Variants in UBXN2A observed in about 807,000 individuals in gnomAD.
The protein encoded by UBXN2A is UBX domain-containing protein 2A.
A neutral mutation model predicts 28.4 loss-of-function variants in UBXN2A; 28 were observed. That is an observed-to-expected ratio of 0.99 (90% confidence interval 0.73 to 1.35). The LOEUF is 1.35. UBXN2A is among the 40% of genes most tolerant of loss of function. UBXN2A has a pLI of 0.00. For synonymous variants in UBXN2A, 97 were observed against 103.6 expected (o/e 0.94, Z 0.39); for missense variants, 253 against 297.9 (o/e 0.85, Z 1.11).
chr2:23,989,316 T>G (rs1009047783), intron 6 of UBXN2A, among the ~76,000 whole-genome samples: 8 of 151,312 alleles, frequency 5.3e-5, no homozygotes, highest in Non-Finnish European at 1.0e-4. Context: ...CTTTTTTTTT[T>G]TTTTTGAGAC....
rs1251629375 is a variant in UBXN2A, at chr2:24,001,528, A to AGT, written c.*1663_*1664dup. On this transcript the variant is annotated 3_prime_UTR_variant, in exon 7 of 7. Coordinates refer to ENST00000309033, the MANE Select transcript of UBXN2A (RefSeq NM_181713.4). ...ATGCATTGAGTGTGCCAAGGAACTA[A>AGT]GTGGTCCATAGCAGCAGTAATGTTC... 1 of 152,146 alleles carries AGT rather than the reference A, an allele frequency of 6.6e-6. No individual in the cohort carries two copies. The highest frequency in any genetic ancestry group is 1.5e-5 in the Non-Finnish European group (1 of 68,020). 9.4% of individuals were successfully genotyped at this position (152,146 alleles called of 1,614,324 possible).
chr2:23,932,859 C>G (rs1705412226), intron 1 of UBXN2A, among the ~76,000 whole-genome samples: 1 of 152,106 alleles, frequency 6.6e-6, no homozygotes, highest in African/African-American at 2.4e-5. Flanking sequence ...TAATCCCAGA[C>G]TTGGGGAGGC....
intron 6 of UBXN2A, among the ~76,000 whole-genome samples, chr2:23,992,749 T>C (rs1246246033): frequency 6.6e-6 from 1 of 152,234 alleles, no homozygotes; most frequent in Non-Finnish European, 1.5e-5. Context: ...GTGTTAAATC[T>C]ACTCTGCCTG....
chr2:23,954,732 A>T (rs1313008354), intron 1 of UBXN2A, among the ~76,000 whole-genome samples: 1 of 149,190 alleles, frequency 6.7e-6, no homozygotes, highest in Non-Finnish European at 1.5e-5. Context: ...TATTCACACA[A>T]GTCCTTTGCC....
chr2:23,931,971 A>G (rs1173527122), intron 1 of UBXN2A, among the ~76,000 whole-genome samples: 1 of 151,682 alleles, frequency 6.6e-6, no homozygotes, highest in Non-Finnish European at 1.5e-5. Context: ...AGATCACGCC[A>G]TTGCACTCCA....
intron 3 of UBXN2A, among the ~76,000 whole-genome samples, chr2:23,973,026 A>C (rs1707482600): frequency 6.6e-6 from 1 of 152,146 alleles, no homozygotes; most frequent in African/African-American, 2.4e-5. Context: ...AATGGTTTAC[A>C]TACAGACTAT....
intron 6 of UBXN2A, among the ~76,000 whole-genome samples, chr2:23,998,237 A>T (rs967320863): frequency 6.6e-6 from 1 of 151,920 alleles, no homozygotes; most frequent in Non-Finnish European, 1.5e-5. Context: ...TTTTTAATTT[A>T]TTTTTCACTC....
chr2:23,983,220 G>A (rs1707986827), intron 5 of UBXN2A, among the ~76,000 whole-genome samples, 187 bp downstream of exon 5: 1 of 152,060 alleles, frequency 6.6e-6, no homozygotes, highest in Admixed American at 6.6e-5. Flanking sequence ...TATTAACAAT[G>A]CCTGGCCAGG....
intron 1 of UBXN2A, among the ~76,000 whole-genome samples, chr2:23,944,682 G>A (rs1471426589): frequency 2.0e-5 from 3 of 152,266 alleles, no homozygotes; most frequent in African/African-American, 7.2e-5. Context: ...TCCTTCCTGG[G>A]ATATTGGAAA....
chr2:23,983,139 C>G (rs1350489753), intron 5 of UBXN2A, 106 bp downstream of exon 5: 1 of 1,248,964 alleles, frequency 8.0e-7, no homozygotes, highest in East Asian at 2.8e-5. Flanking sequence ...TATCATTTCT[C>G]CCATTGGAAA....
intron 3 of UBXN2A, among the ~76,000 whole-genome samples, chr2:23,975,836 G>A (rs541486391): frequency 2.0e-5 from 3 of 152,200 alleles, no homozygotes; most frequent in African/African-American, 7.2e-5. Context: ...ATGTTGGTCA[G>A]GCTGGTCTTG....
chr2:23,954,789 G>C (rs1037513041), intron 1 of UBXN2A, among the ~76,000 whole-genome samples: 1 of 137,792 alleles, frequency 7.3e-6, no homozygotes, highest in African/African-American at 2.7e-5. Flanking sequence ...ACAGATTCTT[G>C]CTCTGTTGCC....
At chr2:23,987,671 G>A (rs1478726682) in intron 6 of UBXN2A, among the ~76,000 whole-genome samples, 4 of 151,284 alleles carry the variant, frequency 2.6e-5, no homozygotes, top group Non-Finnish European at 5.9e-5. Flanking sequence ...CCAGCTACTC[G>A]GGAGGCTGAG....
At chr2:23,999,589 A>G in intron 6 of UBXN2A, 83 bp from the exon 7 acceptor site, 3 of 1,403,096 alleles carry the variant, frequency 2.1e-6, no homozygotes, top group Non-Finnish European at 2.9e-6. Context: ...ACATATCCAG[A>G]TACTTTTACC....
intron 1 of UBXN2A, among the ~76,000 whole-genome samples, chr2:23,957,243 C>T (rs1706670722): frequency 6.6e-6 from 1 of 151,980 alleles, no homozygotes; most frequent in South Asian, 2.1e-4. Flanking sequence ...AAGTTATCCT[C>T]CCACCTCAGC....
At chr2:23,940,110 C>CAAAAAAA (rs70941601), upstream of UBXN2A, among the ~76,000 whole-genome samples, 4 of 104,038 alleles carry the variant, frequency 3.8e-5, no homozygotes, top group African/African-American at 7.2e-5. Context: ...GATTTAGTCT[C>CAAAAAAA]AAAAAAAAAA....
At chr2:23,929,410 A>T (rs573425247) in intron 1 of UBXN2A, among the ~76,000 whole-genome samples, 1 of 149,670 alleles carries the variant, frequency 6.7e-6, no homozygotes, top group Admixed American at 6.7e-5. Flanking sequence ...TCAAAAAAAT[A>T]TTTAAAAAAA....
intron 1 of UBXN2A, among the ~76,000 whole-genome samples, chr2:23,948,200 A>C (rs927292621): frequency 6.6e-6 from 1 of 151,278 alleles, no homozygotes; most frequent in African/African-American, 2.4e-5. Context: ...TTTCATAATC[A>C]TGTCAAAATT....
chr2:23,957,795 T>C (rs947801881), intron 1 of UBXN2A, among the ~76,000 whole-genome samples: 11 of 152,084 alleles, frequency 7.2e-5, no homozygotes, highest in Admixed American at 4.6e-4. Flanking sequence ...GATTGTGCCA[T>C]TGCACTCCAG....
Sources: gnomAD v4.1 joint callset for allele counts (sites outside exome capture counted in the v4.1 genomes callset) on GRCh38, gnomAD v4.1.1 for gene constraint, MANE v1.5 for transcripts, NCBI Gene and HGNC (gene_info 2026-07-23, HGNC 2026-07-21) for gene names.